Variants in CACNB2 observed in about 807,000 individuals in gnomAD.
CACNB2 encodes voltage-dependent L-type calcium channel subunit beta-2.
In CACNB2, 42 loss-of-function variants were observed where a neutral mutation model predicts 73.3. The observed-to-expected ratio is 0.57, with a 90% confidence interval of 0.45 to 0.74. The LOEUF is 0.74. Ranked by LOEUF, CACNB2 falls within the 30% of genes least tolerant of loss-of-function variation. The pLI is 0.00. For missense variants in CACNB2, 940 were observed against 853.0 expected (o/e 1.10, Z -1.27); for synonymous variants, 348 against 310.3 (o/e 1.12, Z -1.28).
chr10:18,434,702 T>TA (rs2046049257), intron 3 of CACNB2, among the ~76,000 whole-genome samples: 1 of 152,078 alleles, frequency 6.6e-6, no homozygotes, highest in East Asian at 1.9e-4. Flanking sequence ...TGCCTGGCCC[T>TA]AAAAAAATTA....
rs139023295 is a variant in CACNB2 at position 18,531,602 on chromosome 10, T to C, written c.1055-2474T>C. The stretch of plus-strand genomic sequence containing the variant: ...GGAATTACCATACTGTCTTCCACAA[T>C]GGTTTAACTAATTTACACTCCCATC... On this transcript the variant is annotated intron_variant, in intron 10 of 13. Coordinates refer to ENST00000324631, the MANE Select transcript of CACNB2 (RefSeq NM_201596.3). Among the ~76,000 whole-genome samples the C allele has an allele frequency of 2.9e-3, 442 of 152,340 alleles. 1 individual carries two copies. Among genetic ancestry groups the C allele is most frequent in the African/African-American group, 0.01 (431 of 41,586 alleles).
chr10:18,193,269 G>GC (rs72337945), intron 2 of CACNB2, among the ~76,000 whole-genome samples: 494 of 36,244 alleles, frequency 0.014, 11 homozygotes, highest in East Asian at 0.13. Context: ...AAAGTGTCAA[G>GC]CTTTTTTTTT....
chr10:18,358,273 A>G (rs1347065209), intron 2 of CACNB2, among the ~76,000 whole-genome samples: 4 of 152,156 alleles, frequency 2.6e-5, no homozygotes, highest in Admixed American at 6.5e-5. Flanking sequence ...TTTTTAGTAG[A>G]GATGGGTTTT....
intron 2 of CACNB2, chr10:18,340,604 CA>C (rs1589084888): frequency 3.8e-6 from 4 of 1,044,884 alleles, no homozygotes; most frequent in Non-Finnish European, 5.0e-6. Flanking sequence ...TGTACTTTGA[CA>C]AGTTTGCAGG....
intron 3 of CACNB2, among the ~76,000 whole-genome samples, chr10:18,419,132 A>T (rs2045175070): frequency 6.6e-6 from 1 of 152,202 alleles, no homozygotes; most frequent in Non-Finnish European, 1.5e-5. Flanking sequence ...GCTATGACAG[A>T]ACAAGGAAAG....
chr10:18,216,986 T>C (rs2131372976), intron 2 of CACNB2, among the ~76,000 whole-genome samples: 1 of 152,344 alleles, frequency 6.6e-6, no homozygotes, highest in South Asian at 2.1e-4. Context: ...CCAGAGATCC[T>C]TTCTAGGATA....
chr10:18,153,771 G>A (rs541696063), intron 2 of CACNB2, among the ~76,000 whole-genome samples: 1 of 149,292 alleles, frequency 6.7e-6, no homozygotes, highest in East Asian at 2.0e-4. Context: ...TAGTAAAGAT[G>A]GAGTTTCACC....
chr10:18,206,530 C>T (rs1245688035), intron 2 of CACNB2: 1 of 152,366 alleles, frequency 6.6e-6, no homozygotes, highest in Non-Finnish European at 1.5e-5. Flanking sequence ...TGTGCATGTT[C>T]CTTCTTTTCC....
In CACNB2 at chr10:18,426,786, A is replaced by G. The variant is rs539082137; in HGVS notation, c.333+24743A>G. 1.1e-3 allele frequency among the ~76,000 whole-genome samples: 169 copies of G among 152,250 alleles called. 1 individual carries two copies. The highest frequency in any genetic ancestry group is 8.3e-3 in the South Asian group (40 of 4,828). ...TACTGGCTAGACTCCTCACCGCAAC[A>G]TTAGGTTATTCTTGTCTTAGTGGTA... On this transcript the variant is annotated intron_variant, in intron 3 of 13. Coordinates refer to ENST00000324631, the MANE Select transcript of CACNB2 (RefSeq NM_201596.3).
At chr10:18,474,062 G>A (rs1262113373) in intron 3 of CACNB2, among the ~76,000 whole-genome samples, 1 of 152,234 alleles carries the variant, frequency 6.6e-6, no homozygotes, top group Non-Finnish European at 1.5e-5. Flanking sequence ...GATGGAACAT[G>A]ATGTTTTGAG....
At chr10:18,219,000 C>T (rs1458369695) in intron 2 of CACNB2, among the ~76,000 whole-genome samples, 1 of 152,098 alleles carries the variant, frequency 6.6e-6, no homozygotes, top group Non-Finnish European at 1.5e-5. Flanking sequence ...CCTGTCTCTA[C>T]AAAAAAATTT....
intron 2 of CACNB2, among the ~76,000 whole-genome samples, chr10:18,216,568 A>G (rs971242567): frequency 1.3e-5 from 2 of 148,412 alleles, no homozygotes; most frequent in African/African-American, 2.5e-5. Flanking sequence ...TCGGTGGTTT[A>G]TAGACACTTA....
At chr10:18,163,758 A>G (rs1192201973) in intron 2 of CACNB2, among the ~76,000 whole-genome samples, 1 of 152,174 alleles carries the variant, frequency 6.6e-6, no homozygotes, top group East Asian at 1.9e-4. Context: ...AGGAAGTGGT[A>G]GAGTGGGTGG....
chr10:18,355,345 G>T (rs2041865044), intron 2 of CACNB2, among the ~76,000 whole-genome samples: 1 of 152,068 alleles, frequency 6.6e-6, no homozygotes, highest in Non-Finnish European at 1.5e-5. Flanking sequence ...ATAAACCTAG[G>T]TAGAAAAAAG....
intron 3 of CACNB2, among the ~76,000 whole-genome samples, chr10:18,457,284 C>A (rs1368138707): frequency 3.3e-5 from 5 of 152,018 alleles, no homozygotes; most frequent in Admixed American, 6.6e-5. Context: ...GAGACGGGAC[C>A]TCTGTATGTT....
At chr10:18,413,004 C>G (rs1315231968) in intron 3 of CACNB2, among the ~76,000 whole-genome samples, 1 of 152,152 alleles carries the variant, frequency 6.6e-6, no homozygotes, top group Non-Finnish European at 1.5e-5. Flanking sequence ...GAGTTTTACT[C>G]TTATTACCCA....
chr10:18,248,303 T>C (rs1205649009), intron 2 of CACNB2, among the ~76,000 whole-genome samples: 1 of 152,190 alleles, frequency 6.6e-6, no homozygotes, highest in Non-Finnish European at 1.5e-5. Flanking sequence ...TAAAAATTCG[T>C]ATTTCAATTA....
intron 6 of CACNB2, among the ~76,000 whole-genome samples, chr10:18,511,159 G>A (rs1229846255): frequency 6.6e-6 from 1 of 152,082 alleles, no homozygotes; most frequent in African/African-American, 2.4e-5. Context: ...GCATAGATGG[G>A]GCAAAGAGGA....
chr10:18,186,708 A>T (rs868427893), intron 2 of CACNB2, among the ~76,000 whole-genome samples: 1 of 152,110 alleles, frequency 6.6e-6, no homozygotes, highest in African/African-American at 2.4e-5. Flanking sequence ...ATACCAAGAG[A>T]GATGGTGCTA....
Sources: allele counts gnomAD v4.1 joint callset (sites outside exome capture counted in the v4.1 genomes callset), GRCh38; gene constraint gnomAD v4.1.1; transcripts MANE v1.5; gene names NCBI Gene and HGNC (gene_info 2026-07-23, HGNC 2026-07-21).